Variants in RALYL observed in about 807,000 individuals in gnomAD.
RALYL encodes RNA-binding Raly-like protein.
In RALYL, 29 loss-of-function variants were observed where a neutral mutation model predicts 35.1. The ratio of observed to expected loss-of-function variants is 0.83; its 90% CI spans 0.61 to 1.13. The LOEUF (loss-of-function observed/expected upper bound fraction) is 1.13. Ranked by LOEUF, RALYL falls within the 50% of genes most tolerant of loss-of-function variation. RALYL has a pLI of 0.00. For missense variants in RALYL, 359 were observed against 360.4 expected, an observed-to-expected ratio of 1.00 and a Z score of 0.03; for synonymous variants, 120 against 127.6, an observed-to-expected ratio of 0.94 and a Z score of 0.40.
intron 2 of RALYL, among the ~76,000 whole-genome samples, chr8:84,566,690 A>G (rs2061806489): frequency 6.6e-6 from 1 of 151,670 alleles, no homozygotes; most frequent in African/African-American, 2.4e-5. Flanking sequence ...AGAATCAGAC[A>G]CTAACCTTGA....
At chr8:84,247,410 A>G (rs1446492126) in intron 1 of RALYL, among the ~76,000 whole-genome samples, 1 of 152,070 alleles carries the variant, frequency 6.6e-6, no homozygotes, top group Non-Finnish European at 1.5e-5. Context: ...CTGCCAACAC[A>G]TTACTGAATT....
intron 2 of RALYL, among the ~76,000 whole-genome samples, chr8:84,685,186 A>G (rs1328030032): frequency 2.0e-5 from 3 of 152,146 alleles, no homozygotes; most frequent in South Asian, 2.1e-4. Context: ...ACAAACATTG[A>G]GTCCATAACA....
rs149121756 is a variant in RALYL at position 84,865,053 on chromosome 8, A to G, written c.571+2600A>G. The G allele has an allele frequency of 1.7e-3, 302 of 173,754 alleles. 2 individuals are homozygous for G. The highest frequency in any genetic ancestry group is 6.6e-3 in the African/African-American group (278 of 42,342). 10.8% of individuals were successfully genotyped at this position (173,754 alleles called of 1,614,324 possible). On this transcript the variant is annotated intron_variant, in intron 6 of 8. Coordinates refer to ENST00000521268, the MANE Select transcript of RALYL (RefSeq NM_173848.7). ...AATTTATAATTCACTGGCAAGCATA[A>G]CTAGAATCATGATTTAATATTCTTT...
intron 1 of RALYL, among the ~76,000 whole-genome samples, chr8:84,313,479 A>G (rs1052926687): frequency 6.6e-6 from 1 of 152,170 alleles, no homozygotes; most frequent in Non-Finnish European, 1.5e-5. Flanking sequence ...CATAAGTTCC[A>G]ATTTCAAATC....
At chr8:84,319,052 C>T (rs1381871392) in intron 1 of RALYL, among the ~76,000 whole-genome samples, 2 of 152,004 alleles carry the variant, frequency 1.3e-5, no homozygotes, top group East Asian at 1.9e-4. Flanking sequence ...TGATACTCAA[C>T]GAAGAGCTAT....
intron 1 of RALYL, among the ~76,000 whole-genome samples, chr8:84,487,961 A>G (rs2054832596): frequency 6.6e-6 from 1 of 152,082 alleles, no homozygotes; most frequent in Non-Finnish European, 1.5e-5. Context: ...CAACAGAGGA[A>G]AGATGTTTAT....
chr8:84,912,221 C>G (rs1013019123), intron 8 of RALYL, among the ~76,000 whole-genome samples: 16 of 152,136 alleles, frequency 1.1e-4, no homozygotes, highest in African/African-American at 3.9e-4. Context: ...ACACTGCTAT[C>G]ACTTAAGAAA....
At chr8:84,296,574 G>T (rs769047916) in intron 1 of RALYL, among the ~76,000 whole-genome samples, 1 of 150,352 alleles carries the variant, frequency 6.7e-6, no homozygotes, top group African/African-American at 2.5e-5. Flanking sequence ...CACAAGAAAG[G>T]CCTGTTTTAC....
At chr8:84,197,897 G>T (rs1328088456) in intron 1 of RALYL, among the ~76,000 whole-genome samples, 1 of 151,868 alleles carries the variant, frequency 6.6e-6, no homozygotes, top group African/African-American at 2.4e-5. Context: ...TCTCCCATTA[G>T]GCGATAGCTT....
chr8:84,680,675 C>T (rs1460515530), intron 2 of RALYL, among the ~76,000 whole-genome samples: 12 of 152,168 alleles, frequency 7.9e-5, no homozygotes, highest in East Asian at 1.9e-4. Flanking sequence ...TCATATCCTT[C>T]GCCCACTTGT....
At chr8:84,840,153 G>C (rs1222536986) in intron 4 of RALYL, among the ~76,000 whole-genome samples, 1 of 152,076 alleles carries the variant, frequency 6.6e-6, no homozygotes, top group African/African-American at 2.4e-5. Flanking sequence ...TAAGGCTTCA[G>C]ACGATCAAAC....
At chr8:84,313,318 A>G (rs999947208) in intron 1 of RALYL, among the ~76,000 whole-genome samples, 2 of 152,204 alleles carry the variant, frequency 1.3e-5, no homozygotes, top group Admixed American at 1.3e-4. Flanking sequence ...GCCCTGAGAC[A>G]TGTTCTTCAT....
At chr8:84,249,604 CTA>C (rs1292765202) in intron 1 of RALYL, among the ~76,000 whole-genome samples, 1 of 151,982 alleles carries the variant, frequency 6.6e-6, no homozygotes, top group Non-Finnish European at 1.5e-5. Flanking sequence ...ATGAGGAATC[CTA>C]TAGTCTTGAA....
chr8:84,395,027 G>C (rs1451348119), intron 1 of RALYL, among the ~76,000 whole-genome samples: 1 of 151,672 alleles, frequency 6.6e-6, no homozygotes, highest in African/African-American at 2.4e-5. Flanking sequence ...CATGTTCCTG[G>C]TAAAACATTT....
At chr8:84,691,639 T>C (rs1265781617) in intron 2 of RALYL, among the ~76,000 whole-genome samples, 1 of 151,862 alleles carries the variant, frequency 6.6e-6, no homozygotes, top group Non-Finnish European at 1.5e-5. Flanking sequence ...TCCCCTCATA[T>C]CTTGTATAGA....
chr8:84,195,438 C>CA (rs1439857278), intron 1 of RALYL, among the ~76,000 whole-genome samples: 4 of 151,796 alleles, frequency 2.6e-5, no homozygotes, highest in African/African-American at 9.7e-5. Context: ...GACTCCATCT[C>CA]AAAAAAATAA....
intron 2 of RALYL, among the ~76,000 whole-genome samples, chr8:84,712,669 A>G (rs1053208882): frequency 6.6e-6 from 1 of 151,366 alleles, no homozygotes; most frequent in African/African-American, 2.5e-5. Flanking sequence ...ACACTTGCAT[A>G]AAAACCGTGG....
chr8:84,372,239 G>A (rs1797002316), intron 1 of RALYL, among the ~76,000 whole-genome samples: 1 of 152,000 alleles, frequency 6.6e-6, no homozygotes. Context: ...GTGAACATCT[G>A]TGACTGGAGT....
At chr8:84,750,195 A>G (rs1809620177) in intron 2 of RALYL, among the ~76,000 whole-genome samples, 1 of 152,210 alleles carries the variant, frequency 6.6e-6, no homozygotes, top group African/African-American at 2.4e-5. Flanking sequence ...TACTTTACAT[A>G]ATCAGGACCA....
Sources: allele counts gnomAD v4.1 joint callset (sites outside exome capture counted in the v4.1 genomes callset), GRCh38; gene constraint gnomAD v4.1.1; transcripts MANE v1.5; gene names NCBI Gene and HGNC (gene_info 2026-07-23, HGNC 2026-07-21).